SUPT6H: variants seen among roughly 807,000 people sequenced by gnomAD.
The protein encoded by SUPT6H is SPT6 homolog, histone chaperone and transcription elongation factor, also known as transcription elongation factor SPT6.
In SUPT6H, 11 loss-of-function variants were observed where a neutral mutation model predicts 222.3. The observed-to-expected ratio is 0.05, with a 90% CI of 0.03 to 0.08. The LOEUF (loss-of-function observed/expected upper bound fraction) is 0.08. SUPT6H is among the 10% of genes least tolerant of loss of function. The pLI is 1.00. For missense variants in SUPT6H, 1,422 were observed against 2,216.0 expected, an observed-to-expected ratio of 0.64 and a Z score of 7.19; for synonymous variants, 762 against 801.2, an observed-to-expected ratio of 0.95 and a Z score of 0.83.
Position 28,686,964 on chromosome 17 carries a change from C to T in SUPT6H, c.2701-124C>T, listed in dbSNP as rs1254098189. On this transcript the variant is annotated intron_variant, in intron 21 of 36. Transcript: ENST00000314616. Reference sequence around the variant, plus strand: ...AGATTGGGAGTCCCAGAAATTAAATCGGTCTCAGGAAAAAAGATCCCAGAG... The same window carrying T: ...AGATTGGGAGTCCCAGAAATTAAATTGGTCTCAGGAAAAAAGATCCCAGAG... 7 of 1,494,208 alleles carry T rather than the reference C, an allele frequency of 4.7e-6. 1 individual carries two copies. The highest frequency in any genetic ancestry group is 3.9e-5 in the South Asian group (3 of 75,976). The allele number at this position is 1,494,208 out of a possible 1,614,324, so 92.6% of individuals were successfully genotyped here.
chr17:28,690,299 C>A, intron 26 of SUPT6H, 70 bp downstream of exon 26: 1 of 1,560,466 alleles, frequency 6.4e-7, no homozygotes, highest in Non-Finnish European at 8.7e-7. Flanking sequence ...AACCAAGCAG[C>A]AGTTCCAACA....
At position 28,702,554 on chromosome 17, in the gene SUPT6H, C is replaced by T. The variant is rs747477436; in HGVS notation, c.*929C>T. 8 of 152,474 alleles carry T rather than the reference C, an allele frequency of 5.2e-5. No individual in the cohort carries two copies. Among genetic ancestry groups the T allele is most frequent in the Non-Finnish European group, 1.0e-4 (7 of 68,100 alleles). The allele number at this position is 152,474 out of a possible 1,614,324, so 9.4% of individuals were successfully genotyped here. Reference sequence around the variant, plus strand: ...CTCCTTGGCCCAACGCCTGGTACGTCGCAAATGTTACCCGGTATTATTACA... The same window carrying T: ...CTCCTTGGCCCAACGCCTGGTACGTTGCAAATGTTACCCGGTATTATTACA... On this transcript the variant is annotated 3_prime_UTR_variant, in exon 37 of 37. Coordinates refer to ENST00000314616, the MANE Select transcript of SUPT6H (RefSeq NM_003170.5).
In SUPT6H at chr17:28,700,780, G is replaced by A. The variant is rs140035016; in HGVS notation, c.4807-161G>A. On this transcript the variant is annotated intron_variant, in intron 35 of 36. Transcript: ENST00000314616. ...GACCAGTGGGCACCACTGTGTGCTC[G>A]GTGCTGACCTGCAGGCTTCCCACTG... The A allele has an allele frequency of 3.5e-4, 345 of 989,962 alleles. No individual in the cohort carries two copies. In the African/African-American group the frequency reaches 4.8e-3, roughly 14 times the overall value. The allele number at this position is 989,962 out of a possible 1,614,324, so 61.3% of individuals were successfully genotyped here. A position where few individuals can be genotyped will look rare whatever the true frequency, so the allele number is the denominator to read the frequency against.
intron 36 of SUPT6H, 108 bp downstream of exon 36, chr17:28,701,236 G>A (rs759072309): frequency 4.3e-5 from 63 of 1,465,088 alleles, no homozygotes; most frequent in Non-Finnish European, 5.4e-5. Context: ...TGAGGGCCCT[G>A]ACCACATGAT....
chr17:28,683,560 A>G (rs1248639237), intron 16 of SUPT6H, 61 bp from the exon 17 acceptor site: 7 of 1,592,378 alleles, frequency 4.4e-6, no homozygotes, highest in Non-Finnish European at 4.3e-6. Context: ...TAGAATGTTC[A>G]TGGACATTGG....
rs748180441 is a variant in SUPT6H, at chr17:28,681,349, C to T, written c.1443C>T (p.Ala481=). Residue 481 remains alanine, a synonymous_variant, in exon 12 of 37, where the codon GCC becomes GCT. Coordinates refer to ENST00000314616, the MANE Select transcript of SUPT6H (RefSeq NM_003170.5). ...YGRDIPKMQN[A]AKASRKKLKR... is the part of the protein sequence containing the mutation. ...GAGACATCCCTAAGATGCAGAACGC[C>T]GCCAAAGCTAGCCGCAAGAAGCTGA... 15 of 1,612,610 alleles carry T rather than the reference C, an allele frequency of 9.3e-6. No individual in the cohort carries two copies. Among genetic ancestry groups the T allele is most frequent in the African/African-American group, 2.7e-5 (2 of 74,792 alleles).
intron 32 of SUPT6H, among the ~76,000 whole-genome samples, chr17:28,698,451 G>T (rs2032013558): frequency 6.6e-6 from 1 of 152,214 alleles, no homozygotes; most frequent in Non-Finnish European, 1.5e-5. Context: ...CGGTGGTCAG[G>T]AGAGCCTGTC....
rs1188503019 is a variant in SUPT6H, at chr17:28,678,093, A to C, written c.1017A>C (p.Leu339=). Reference sequence around the variant, plus strand: ...TACTGTAGGAAAGCTGTGATTACCTAGACCGAGGGCAGCCAGCCAGCAGCT... The same window carrying C: ...TACTGTAGGAAAGCTGTGATTACCTCGACCGAGGGCAGCCAGCCAGCAGCT... ...TISLQESCDY[L]DRGQPASSFS... Residue 339 remains leucine, a synonymous_variant, in exon 9 of 37, where the codon CTA becomes CTC. Coordinates refer to ENST00000314616, the MANE Select transcript of SUPT6H (RefSeq NM_003170.5). 5 of 1,613,390 alleles carry C rather than the reference A, an allele frequency of 3.1e-6. No homozygotes were observed. The highest frequency in any genetic ancestry group is 4.2e-6 in the Non-Finnish European group (5 of 1,179,816).
At chr17:28,693,338 G>A (rs1248396481) in intron 27 of SUPT6H, among the ~76,000 whole-genome samples, 1 of 152,068 alleles carries the variant, frequency 6.6e-6, no homozygotes, top group African/African-American at 2.4e-5. Context: ...ATGCACGCCT[G>A]TAATCCCACC....
intron 33 of SUPT6H, 47 bp downstream of exon 33, chr17:28,699,940 C>G: frequency 2.6e-6 from 4 of 1,567,792 alleles, no homozygotes; most frequent in Non-Finnish European, 3.5e-6. Context: ...GGAGGAACAC[C>G]TAGGACCTGA....
At chr17:28,679,711 G>T (rs1349213632) in intron 11 of SUPT6H, among the ~76,000 whole-genome samples, 1 of 151,804 alleles carries the variant, frequency 6.6e-6, no homozygotes, top group Non-Finnish European at 1.5e-5. Flanking sequence ...GGGGGCTGGG[G>T]CCTGGCACGG....
rs756287856 is a variant in SUPT6H at position 28,696,836 on chromosome 17, C to A, written c.3971-8C>A. 3.1e-6 allele frequency: 5 copies of A among 1,613,648 alleles called. No individual in the cohort carries two copies. In the East Asian group the frequency reaches 8.9e-5, roughly 29 times the overall value. ...ACCCAGTCTGTACTGCTTTTCTGCC[C>A]TTTTCAGCATACATCAAGAGAGTGA... On this transcript the variant is annotated splice_polypyrimidine_tract_variant and splice_region_variant and intron_variant, in intron 29 of 36. Transcript: ENST00000314616.
intron 32 of SUPT6H, 75 bp from the exon 33 acceptor site, chr17:28,699,706 G>A: frequency 1.6e-6 from 2 of 1,213,256 alleles, no homozygotes; most frequent in Non-Finnish European, 2.5e-6. Context: ...ACTTCACATG[G>A]TGGGCATCTG....
In SUPT6H at chr17:28,683,779, A is replaced by G. The variant is rs776180684; in HGVS notation, c.2192A>G (p.Asn731Ser). Residue 731 changes from asparagine (N) to serine (S), a missense_variant, in exon 17 of 37, where the codon AAC becomes AGC. Transcript: ENST00000314616. ...GTGCAGATGGCCAAAGAACTCAAGA[A>G]CAAGCTGCTGGCTGAAGCCAAGGAA... ...LYVQMAKELK[N>S]KLLAEAKEYV... 2 of 1,613,978 alleles carry G rather than the reference A, an allele frequency of 1.2e-6. No homozygotes were observed. Among genetic ancestry groups the G allele is most frequent in the South Asian group, 1.1e-5 (1 of 91,066 alleles).
intron 3 of SUPT6H, 36 bp from the exon 4 acceptor site, chr17:28,674,501 A>G: frequency 6.2e-7 from 1 of 1,614,136 alleles, no homozygotes; most frequent in Non-Finnish European, 8.5e-7. Context: ...GGAAAAGGGC[A>G]ACCCCATCAC....
chr17:28,669,132 A>G (rs1450005897), intron 1 of SUPT6H, among the ~76,000 whole-genome samples: 1 of 152,268 alleles, frequency 6.6e-6, no homozygotes, highest in East Asian at 1.9e-4. Flanking sequence ...ACATTTAAAA[A>G]TATTTATTGA....
Position 28,674,178 on chromosome 17 carries a change from C to T in SUPT6H, c.110-105C>T, listed in dbSNP as rs1217590963. 4.3e-6 allele frequency: 6 copies of T among 1,405,282 alleles called. No individual in the cohort carries two copies. The African/African-American group carries it at 7.1e-5, about 17-fold the overall frequency. 87.1% of individuals were successfully genotyped at this position (1,405,282 alleles called of 1,614,324 possible). A position where few individuals can be genotyped will look rare whatever the true frequency, so the allele number is the denominator to read the frequency against. On this transcript the variant is annotated intron_variant, in intron 2 of 36. Coordinates refer to ENST00000314616, the MANE Select transcript of SUPT6H (RefSeq NM_003170.5). ...TGAGGCAGAAGAGTTAACATGGCAC[C>T]CAGGTCATTAGGTGCAGAGCAAATG...
chr17:28,684,428 C>T (rs138020159), intron 17 of SUPT6H, among the ~76,000 whole-genome samples, 158 bp from the exon 18 acceptor site: 1 of 152,290 alleles, frequency 6.6e-6, no homozygotes, highest in East Asian at 1.9e-4. Flanking sequence ...GCAAGATATG[C>T]CTTCAGGTGG....
Position 28,695,346 on chromosome 17 carries a change from A to C in SUPT6H, c.3775-6A>C. 3 of 1,611,928 alleles carry C rather than the reference A, an allele frequency of 1.9e-6. No individual in the cohort carries two copies. Among genetic ancestry groups the C allele is most frequent in the Non-Finnish European group, 2.5e-6 (3 of 1,178,604 alleles). On this transcript the variant is annotated splice_region_variant and splice_polypyrimidine_tract_variant and intron_variant, in intron 28 of 36. Transcript: ENST00000314616. ...CCCTTCCAGCTCAAATGTTCTGTGG[A>C]TCTAGGTGGGAATGACTGTTCACTG...
Sources: allele counts gnomAD v4.1 joint callset (sites outside exome capture counted in the v4.1 genomes callset), GRCh38; gene constraint gnomAD v4.1.1; transcripts MANE v1.5; gene names NCBI Gene and HGNC (gene_info 2026-07-23, HGNC 2026-07-21).